TNFSF13B: variants seen among roughly 807,000 people sequenced by gnomAD.
TNFSF13B encodes the protein tumor necrosis factor ligand superfamily member 13B.
Under a neutral mutation model 29.1 loss-of-function variants are expected in TNFSF13B, and 8 were observed. The observed-to-expected ratio is 0.27, with a 90% CI of 0.16 to 0.50. TNFSF13B has a LOEUF of 0.50. Ranked by LOEUF, TNFSF13B falls within the 20% of genes least tolerant of loss-of-function variation. The pLI is 0.98. For missense variants in TNFSF13B, 248 were observed against 334.9 expected, an observed-to-expected ratio of 0.74 and a Z score of 2.03; for synonymous variants, 125 against 130.8, an observed-to-expected ratio of 0.96 and a Z score of 0.30.
intron 2 of TNFSF13B, among the ~76,000 whole-genome samples, chr13:108,271,214 C>A (rs1436893287): frequency 2.0e-5 from 3 of 152,016 alleles, no homozygotes. Context: ...ATAACAAATT[C>A]TTAATATTAT....
Position 108,280,829 on chromosome 13 carries a change from C to T in TNFSF13B, c.425-5974C>T, listed in dbSNP as rs372879237. Among the ~76,000 whole-genome samples the T allele has an allele frequency of 2.8e-3, 422 of 151,890 alleles. 1 individual carries two copies. Among genetic ancestry groups the T allele is most frequent in the African/African-American group, 9.7e-3 (400 of 41,418 alleles). On this transcript the variant is annotated intron_variant, in intron 2 of 5. Coordinates refer to ENST00000375887, the MANE Select transcript of TNFSF13B (RefSeq NM_006573.5). ...AGTTAAAATATGAGTGGATATGTGA[C>T]AATGATCAATTAGTGCTTAAGATTC...
chr13:108,286,131 A>T (rs1881121761), intron 2 of TNFSF13B, among the ~76,000 whole-genome samples: 1 of 152,194 alleles, frequency 6.6e-6, no homozygotes, highest in Admixed American at 6.5e-5. Context: ...TCTTTGGTCC[A>T]ATATATTTTA....
intron 2 of TNFSF13B, among the ~76,000 whole-genome samples, chr13:108,286,179 G>C (rs1281940918): frequency 6.6e-6 from 1 of 152,154 alleles, no homozygotes; most frequent in Admixed American, 6.5e-5. Context: ...GAAACAGGTG[G>C]GGTTGAAATT....
In TNFSF13B at chr13:108,308,072, T is replaced by G. The variant is rs1881829805; in HGVS notation, c.*1134T>G. 1.3e-5 allele frequency: 2 copies of G among 152,064 alleles called. No individual in the cohort carries two copies. Among genetic ancestry groups the G allele is most frequent in the South Asian group, 2.1e-4 (1 of 4,836 alleles). The allele number at this position is 152,064 out of a possible 1,614,324, so 9.4% of individuals were successfully genotyped here. A position where few individuals can be genotyped will look rare whatever the true frequency, so the allele number is the denominator to read the frequency against. On this transcript the variant is annotated 3_prime_UTR_variant, in exon 6 of 6. Transcript: ENST00000375887. ...CTTTTATAACATGTTTCCTTCGCTT[T>G]GCTTGTCTTTTATGTCATCAGTTTT...
chr13:108,293,177 T>A lies in TNFSF13B; in HGVS notation c.481+6318T>A, dbSNP rs184510696. On this transcript the variant is annotated intron_variant, in intron 3 of 5. Coordinates refer to ENST00000375887, the MANE Select transcript of TNFSF13B (RefSeq NM_006573.5). ...TCCCAACATCATTTGTTGAAGAAGA[T>A]GATTTCTTCCACATTGAACGGTCTT... 2.0e-5 allele frequency among the ~76,000 whole-genome samples: 3 copies of A among 152,300 alleles called. 1 individual carries two copies. Among genetic ancestry groups the A allele is most frequent in the Admixed American group, 2.0e-4 (3 of 15,284 alleles).
At chr13:108,280,937 G>A (rs1043980110) in intron 2 of TNFSF13B, among the ~76,000 whole-genome samples, 1 of 152,026 alleles carries the variant, frequency 6.6e-6, no homozygotes, top group African/African-American at 2.4e-5. Context: ...CTAATGCCGA[G>A]GTATTTAGAG....
Position 108,270,049 on chromosome 13 carries a change from T to C in TNFSF13B, c.154T>C (p.Leu52=). The change falls in exon 1 of 6, where the codon TTG becomes CTG. Residue 52 remains leucine (L), a synonymous_variant. Coordinates refer to ENST00000375887, the MANE Select transcript of TNFSF13B (RefSeq NM_006573.5). ...SKDGKLLAAT[L]LLALLSCCLT... ...AGACGGAAAGCTGCTGGCTGCAACC[T>C]TGCTGCTGGCACTGCTGTCTTGCTG... 6.2e-7 allele frequency: 1 copy of C among 1,610,664 alleles called. No homozygotes were observed. The highest frequency in any genetic ancestry group is 1.3e-5 in the African/African-American group (1 of 75,050).
At chr13:108,297,285 C>A (rs1881480771) in intron 3 of TNFSF13B, among the ~76,000 whole-genome samples, 2 of 145,686 alleles carry the variant, frequency 1.4e-5, no homozygotes. Context: ...TTCTGGCCTC[C>A]ATGGTTTTTG....
At chr13:108,282,333 T>C (rs1453922746) in intron 2 of TNFSF13B, among the ~76,000 whole-genome samples, 2 of 152,232 alleles carry the variant, frequency 1.3e-5, no homozygotes, top group Non-Finnish European at 2.9e-5. Flanking sequence ...GATTTAGCTT[T>C]GTTGAAATAA....
intron 2 of TNFSF13B, among the ~76,000 whole-genome samples, chr13:108,286,358 T>G (rs1227486433): frequency 6.6e-6 from 1 of 152,184 alleles, no homozygotes; most frequent in African/African-American, 2.4e-5. Context: ...ATTAGCATTT[T>G]TTTTTTTACT....
chr13:108,302,911 A>T (rs529718636), intron 3 of TNFSF13B: 8 of 960,626 alleles, frequency 8.3e-6, no homozygotes, highest in Middle Eastern at 5.2e-4. Context: ...ATTCAGAGAA[A>T]TTTTGTCCAC....
chr13:108,283,003 C>T (rs1030389586), intron 2 of TNFSF13B, among the ~76,000 whole-genome samples: 15 of 152,086 alleles, frequency 9.9e-5, no homozygotes, highest in African/African-American at 1.9e-4. Flanking sequence ...TATTAAACTA[C>T]GCATTTTCAA....
At chr13:108,283,671 T>C (rs1472735644) in intron 2 of TNFSF13B, among the ~76,000 whole-genome samples, 1 of 152,168 alleles carries the variant, frequency 6.6e-6, no homozygotes, top group Non-Finnish European at 1.5e-5. Flanking sequence ...TACCATAGAC[T>C]GAGTGGCTTG....
At chr13:108,306,202 T>C (rs1881771710) in intron 5 of TNFSF13B, among the ~76,000 whole-genome samples, 1 of 152,060 alleles carries the variant, frequency 6.6e-6, no homozygotes, top group Admixed American at 6.6e-5. Flanking sequence ...ACACTGTTGT[T>C]TTTGATTATA....
rs140291154 is a variant in TNFSF13B, at chr13:108,303,477, C to T, written c.618C>T (p.Tyr206=). Residue 206 remains tyrosine (Y), a synonymous_variant, in exon 5 of 6, where the codon TAC becomes TAT. Coordinates refer to ENST00000375887, the MANE Select transcript of TNFSF13B (RefSeq NM_006573.5). The stretch of plus-strand genomic sequence containing the variant: ...AGGTTTTATATACTGATAAGACCTA[C>T]GCCATGGGACATCTAATTCAGAGGA... ...YGQVLYTDKT[Y]AMGHLIQRKK... The T allele has an allele frequency of 1.3e-4, 211 of 1,613,150 alleles. 1 individual carries two copies. Among genetic ancestry groups the T allele is most frequent in the South Asian group, 1.1e-3 (100 of 90,924 alleles).
Position 108,303,615 on chromosome 13 carries a change from G to A in TNFSF13B, c.745+11G>A. ...CCTGCTATTCAGCTGGTAAATATTA[G>A]TTCTCACACCCTGCTAATTGTGAAA... is the stretch of plus-strand genomic sequence containing the variant. On this transcript the variant is annotated intron_variant, in intron 5 of 5. Transcript: ENST00000375887. 1 of 1,606,776 alleles carries A rather than the reference G, an allele frequency of 6.2e-7. No individual in the cohort carries two copies. The highest frequency in any genetic ancestry group is 8.5e-7 in the Non-Finnish European group (1 of 1,177,238).
intron 3 of TNFSF13B, among the ~76,000 whole-genome samples, chr13:108,291,011 T>C (rs2139058840): frequency 6.6e-6 from 1 of 152,086 alleles, no homozygotes; most frequent in East Asian, 1.9e-4. Context: ...TCCAGACTGC[T>C]TGAAGACATT....
At chr13:108,305,221 G>A (rs1192772535) in intron 5 of TNFSF13B, among the ~76,000 whole-genome samples, 1 of 152,014 alleles carries the variant, frequency 6.6e-6, no homozygotes, top group Non-Finnish European at 1.5e-5. Flanking sequence ...TTTATTTAAA[G>A]CCATTTAAAA....
rs1378850500 is a variant in TNFSF13B at position 108,307,677 on chromosome 13, A to G, written c.*739A>G. 6.6e-6 allele frequency: 1 copy of G among 152,032 alleles called. No individual in the cohort carries two copies. Among genetic ancestry groups the G allele is most frequent in the Admixed American group, 6.6e-5 (1 of 15,240 alleles). 9.4% of individuals were successfully genotyped at this position (152,032 alleles called of 1,614,324 possible). A position where few individuals can be genotyped will look rare whatever the true frequency, so the allele number is the denominator to read the frequency against. On this transcript the variant is annotated 3_prime_UTR_variant, in exon 6 of 6. Transcript: ENST00000375887. Reference sequence around the variant, plus strand: ...TCTATAGTGAATTTCAGAAACTTTTAATATCAGGTAATTTCAATTTATGCC... The same window carrying G: ...TCTATAGTGAATTTCAGAAACTTTTGATATCAGGTAATTTCAATTTATGCC...
Sources: allele counts gnomAD v4.1 joint callset (sites outside exome capture counted in the v4.1 genomes callset), GRCh38; gene constraint gnomAD v4.1.1; transcripts MANE v1.5; gene names NCBI Gene and HGNC (gene_info 2026-07-23, HGNC 2026-07-21).